The following RAB40C variants were observed in gnomAD, a reference collection of about 807,000 sequenced individuals.
RAB40C encodes ras-related protein Rab-40C.
A neutral mutation model predicts 28.1 loss-of-function variants in RAB40C; 8 were observed. The observed-to-expected ratio is 0.28, with a 90% CI of 0.17 to 0.51. RAB40C has a LOEUF of 0.51. RAB40C is among the 20% of genes least tolerant of loss of function. The pLI, the probability that RAB40C is intolerant of heterozygous loss-of-function variation, is 0.97. For missense variants in RAB40C, 288 were observed against 405.9 expected (o/e 0.71, Z 2.50); for synonymous variants, 201 against 171.7 (o/e 1.17, Z -1.34).
intron 1 of RAB40C, among the ~76,000 whole-genome samples, chr16:595,770 T>A (rs920719706): frequency 1.3e-5 from 2 of 151,970 alleles, no homozygotes; most frequent in Non-Finnish European, 2.9e-5. Flanking sequence ...ACCCAGCTAA[T>A]TTTTGTATTT....
chr16:592,301 C>T (rs992261122), intron 1 of RAB40C, among the ~76,000 whole-genome samples: 3 of 152,204 alleles, frequency 2.0e-5, no homozygotes, highest in South Asian at 2.1e-4. Context: ...TCTCTCAACT[C>T]GGGGGTTGGC....
At chr16:595,757 C>G (rs2036105454) in intron 1 of RAB40C, among the ~76,000 whole-genome samples, 1 of 152,110 alleles carries the variant, frequency 6.6e-6, no homozygotes, top group Non-Finnish European at 1.5e-5. Context: ...CACCTGCCAC[C>G]ACACCCAGCT....
At chr16:591,130 G>A (rs531432665) in intron 1 of RAB40C, among the ~76,000 whole-genome samples, 5 of 149,846 alleles carry the variant, frequency 3.3e-5, no homozygotes, top group East Asian at 4.0e-4. Context: ...GAGGGAAGGT[G>A]TCATAGATCT....
intron 1 of RAB40C, among the ~76,000 whole-genome samples, chr16:601,264 T>C (rs2036243153): frequency 6.6e-6 from 1 of 152,218 alleles, no homozygotes; most frequent in East Asian, 1.9e-4. Flanking sequence ...GAGTATCTGC[T>C]CATTCTGAAA....
chr16:615,201 G>T (rs1411147338), intron 1 of RAB40C, among the ~76,000 whole-genome samples: 1 of 152,206 alleles, frequency 6.6e-6, no homozygotes, highest in Non-Finnish European at 1.5e-5. Context: ...TCTGTCCATT[G>T]ATGGTGTCCT....
intron 1 of RAB40C, 22 bp downstream of exon 1, chr16:590,455 G>T: frequency 6.5e-7 from 1 of 1,545,644 alleles, no homozygotes; most frequent in East Asian, 2.6e-5. Flanking sequence ...CCCGCGGCGC[G>T]CGCTGCTACG....
At chr16:617,712 G>C (rs1020904013) in intron 2 of RAB40C, among the ~76,000 whole-genome samples, 6 of 152,116 alleles carry the variant, frequency 3.9e-5, no homozygotes, top group African/African-American at 1.4e-4. Context: ...GTGTGGTGGC[G>C]GGCGCCTGTA....
intron 1 of RAB40C, among the ~76,000 whole-genome samples, chr16:591,722 G>A (rs2036003442): frequency 6.6e-6 from 1 of 151,854 alleles, no homozygotes; most frequent in South Asian, 2.1e-4. Context: ...CTCCCGAGTA[G>A]CTGGGACTAC....
rs954368882 is a variant in RAB40C at position 610,421 on chromosome 16, G to A, written c.143-6787G>A. Among the ~76,000 whole-genome samples, 3 of 152,150 alleles carry A rather than the reference G, an allele frequency of 2.0e-5. No individual in the cohort carries two copies. Among genetic ancestry groups the A allele is most frequent in the Non-Finnish European group, 4.4e-5 (3 of 68,030 alleles). On this transcript the variant is annotated intron_variant, in intron 1 of 5. Coordinates refer to ENST00000248139, the MANE Select transcript of RAB40C (RefSeq NM_021168.5). The surrounding 1 kb of genome is among the most constrained non-coding windows in gnomAD (Gnocchi z 4.6). Reference sequence around the variant, plus strand: ...CAGATGAGGAGGAGAGCAGGGGGAAGGGTGGCAGGAGTTGCTGGTGCTGCG... The same window carrying A: ...CAGATGAGGAGGAGAGCAGGGGGAAAGGTGGCAGGAGTTGCTGGTGCTGCG...
upstream of RAB40C, chr16:589,498 A>AG (rs34353619): frequency 2.0e-5 from 3 of 152,238 alleles, no homozygotes; most frequent in African/African-American, 7.2e-5. Flanking sequence ...CGCGCGTTGA[A>AG]GGGGCGGATA....
rs117112974 is a variant in RAB40C, at chr16:594,040, G to A, written c.142+3607G>A. Among the ~76,000 whole-genome samples the A allele has an allele frequency of 1.9e-4, 29 of 152,292 alleles. No homozygotes were observed. The East Asian group carries it at 5.6e-3, about 29-fold the overall frequency. On this transcript the variant is annotated intron_variant, in intron 1 of 5. Transcript: ENST00000248139. ...GTGGTGGGCCCGTGTTGGCCCCCAG[G>A]AACCACCCGCACAGGGTGCACACCC...
At chr16:618,439 G>C (rs1302315867) in intron 3 of RAB40C, among the ~76,000 whole-genome samples, 179 bp downstream of exon 3, 3 of 152,250 alleles carry the variant, frequency 2.0e-5, no homozygotes, top group Admixed American at 6.5e-5. Flanking sequence ...ACCCAGGCTG[G>C]AGTACAGTGG....
intron 5 of RAB40C, 137 bp downstream of exon 5, chr16:626,258 G>A (rs1278417317): frequency 1.4e-5 from 12 of 841,086 alleles, no homozygotes; most frequent in African/African-American, 6.7e-5. Flanking sequence ...GGGCTCGGCC[G>A]GCGGCAGGTC....
At chr16:596,203 T>C (rs1246576757) in intron 1 of RAB40C, 7 of 433,224 alleles carry the variant, frequency 1.6e-5, no homozygotes, top group East Asian at 1.4e-4. Context: ...ATGAGCTAAA[T>C]TGAACAGTGT....
intron 3 of RAB40C, chr16:625,171 C>G (rs1477587462): frequency 7.2e-7 from 1 of 1,388,998 alleles, no homozygotes; most frequent in Non-Finnish European, 9.5e-7. Context: ...GCTGATGGCT[C>G]CAGGGGAGGG....
In RAB40C at chr16:590,504, C is replaced by T. The variant is rs1007245272; in HGVS notation, c.142+71C>T. ...CGGCGAGCTGGGCACGGAGCTCGCC[C>T]TCGGCCCGGCCCTTCCAAGCGCCGC... On this transcript the variant is annotated intron_variant, in intron 1 of 5. Transcript: ENST00000248139. 24 of 1,405,396 alleles carry T rather than the reference C, an allele frequency of 1.7e-5. No homozygotes were observed. The African/African-American group carries it at 2.0e-4, about 12-fold the overall frequency. The allele number at this position is 1,405,396 out of a possible 1,614,324, so 87.1% of individuals were successfully genotyped here.
intron 1 of RAB40C, among the ~76,000 whole-genome samples, chr16:601,751 G>C (rs1338743833): frequency 2.1e-5 from 3 of 145,854 alleles, no homozygotes; most frequent in African/African-American, 7.7e-5. Flanking sequence ...CAAGGCAGGC[G>C]ATCCCCTGAG....
chr16:597,473 CTTT>C (rs568587117), intron 1 of RAB40C, among the ~76,000 whole-genome samples: 1 of 142,758 alleles, frequency 7.0e-6, no homozygotes. Context: ...CATCTAGCAT[CTTT>C]TTTTTTTTTT....
chr16:609,126 A>G (rs1401857792), intron 1 of RAB40C, among the ~76,000 whole-genome samples: 1 of 152,172 alleles, frequency 6.6e-6, no homozygotes, highest in Non-Finnish European at 1.5e-5. Flanking sequence ...AAAAATAAAA[A>G]TAAAAACGTG....
Sources: allele counts gnomAD v4.1 joint callset (sites outside exome capture counted in the v4.1 genomes callset), GRCh38; gene constraint gnomAD v4.1.1; non-coding constraint Gnocchi (gnomAD v3.1); transcripts MANE v1.5; gene names NCBI Gene and HGNC (gene_info 2026-07-23, HGNC 2026-07-21).